The following CREB5 variants were observed in gnomAD, a reference collection of about 807,000 sequenced individuals.
CREB5 encodes cyclic AMP-responsive element-binding protein 5.
CREB5 carries 19 observed loss-of-function variants against 57.1 expected under a neutral mutation model. The observed-to-expected ratio is 0.33, with a 90% CI of 0.23 to 0.49. CREB5 has a LOEUF of 0.49. CREB5 is among the 20% of genes least tolerant of loss of function. The pLI, the probability that CREB5 is intolerant of heterozygous loss-of-function variation, is 0.99. For synonymous variants in CREB5, 238 were observed against 238.3 expected, an observed-to-expected ratio of 1.00 and a Z score of 0.01; for missense variants, 579 against 671.6, an observed-to-expected ratio of 0.86 and a Z score of 1.52.
chr7:28,387,340 T>C (rs1369207694), intron 1 of CREB5, among the ~76,000 whole-genome samples: 1 of 152,206 alleles, frequency 6.6e-6, no homozygotes, highest in Non-Finnish European at 1.5e-5. Context: ...GATGTTGAGC[T>C]TTTTTTCATG....
chr7:28,529,646 CT>C (rs1326477243), intron 4 of CREB5, among the ~76,000 whole-genome samples: 1 of 152,140 alleles, frequency 6.6e-6, no homozygotes, highest in Admixed American at 6.5e-5. Flanking sequence ...TCTTCCCAAC[CT>C]GATTTCCTTG....
chr7:28,624,360 T>C (rs1797919022), intron 5 of CREB5, among the ~76,000 whole-genome samples: 1 of 152,234 alleles, frequency 6.6e-6, no homozygotes, highest in Admixed American at 6.5e-5. Flanking sequence ...ATTTTCTGTT[T>C]ACTCTTGAAA....
intron 5 of CREB5, among the ~76,000 whole-genome samples, chr7:28,668,947 C>T (rs1297292574): frequency 6.6e-6 from 1 of 152,174 alleles, no homozygotes; most frequent in East Asian, 1.9e-4. Context: ...TCACTCTGCC[C>T]TGCTCTGAGG....
intron 7 of CREB5, among the ~76,000 whole-genome samples, chr7:28,752,416 C>T (rs1317408881): frequency 6.6e-6 from 1 of 152,222 alleles, no homozygotes; most frequent in Admixed American, 6.5e-5. Context: ...GCCCACCTGC[C>T]TCAGCCTCCC....
chr7:28,602,028 C>T (rs1796937656), intron 5 of CREB5, among the ~76,000 whole-genome samples: 1 of 149,084 alleles, frequency 6.7e-6, no homozygotes, highest in Non-Finnish European at 1.5e-5. Flanking sequence ...TTTCTGAATA[C>T]ATTATGGTGT....
chr7:28,332,991 G>A (rs1785745248), intron 1 of CREB5, among the ~76,000 whole-genome samples: 1 of 152,124 alleles, frequency 6.6e-6, no homozygotes, highest in African/African-American at 2.4e-5. Context: ...GTTTTATTGT[G>A]ACTGACAATT....
At chr7:28,775,908 C>T (rs1391126543) in intron 7 of CREB5, among the ~76,000 whole-genome samples, 5 of 152,120 alleles carry the variant, frequency 3.3e-5, no homozygotes, top group African/African-American at 1.2e-4. Flanking sequence ...GAATTAAATG[C>T]TTGCAAGAGA....
intron 5 of CREB5, among the ~76,000 whole-genome samples, chr7:28,711,253 C>T (rs1802386416): frequency 6.6e-6 from 1 of 152,158 alleles, no homozygotes; most frequent in Non-Finnish European, 1.5e-5. Flanking sequence ...AATTCTCTTC[C>T]TGCACACTCA....
intron 4 of CREB5, among the ~76,000 whole-genome samples, chr7:28,537,479 A>G (rs1794012332): frequency 6.6e-6 from 1 of 151,908 alleles, no homozygotes; most frequent in Non-Finnish European, 1.5e-5. Flanking sequence ...TGCCTCAGAA[A>G]TGGACATGGA....
intron 5 of CREB5, among the ~76,000 whole-genome samples, chr7:28,684,587 T>C (rs931888871): frequency 6.6e-6 from 1 of 152,206 alleles, no homozygotes; most frequent in East Asian, 1.9e-4. Flanking sequence ...TTTAATAAGC[T>C]GAGAGATTTC....
chr7:28,364,659 G>C (rs1786553058), intron 1 of CREB5, among the ~76,000 whole-genome samples: 1 of 152,084 alleles, frequency 6.6e-6, no homozygotes, highest in South Asian at 2.1e-4. Flanking sequence ...CCTATCCTCA[G>C]GCTCCTCTCT....
intron 1 of CREB5, among the ~76,000 whole-genome samples, chr7:28,299,871 C>G (rs570785748): frequency 6.6e-6 from 1 of 152,226 alleles, no homozygotes; most frequent in South Asian, 2.1e-4. Flanking sequence ...TGATGGACAT[C>G]AACATGGTCT....
At chr7:28,706,932 A>G (rs533672712) in intron 5 of CREB5, among the ~76,000 whole-genome samples, 5 of 152,336 alleles carry the variant, frequency 3.3e-5, no homozygotes, top group Admixed American at 2.0e-4. Context: ...ATAGTGGACC[A>G]TGAGGTAACG....
chr7:28,315,801 A>G (rs1785367688), intron 1 of CREB5, among the ~76,000 whole-genome samples: 1 of 151,950 alleles, frequency 6.6e-6, no homozygotes, highest in African/African-American at 2.4e-5. Context: ...ATATCTTCCA[A>G]TGTGTTCCCT....
At chr7:28,375,595 GA>G (rs1786807103) in intron 1 of CREB5, among the ~76,000 whole-genome samples, 1 of 147,870 alleles carries the variant, frequency 6.8e-6, no homozygotes, top group Non-Finnish European at 1.5e-5. Flanking sequence ...TAAATAAAAA[GA>G]AAAAAGGAAA....
intron 7 of CREB5, among the ~76,000 whole-genome samples, chr7:28,725,190 G>A (rs1466648028): frequency 6.6e-6 from 1 of 152,212 alleles, no homozygotes; most frequent in Non-Finnish European, 1.5e-5. Context: ...TCTGCTGACT[G>A]GCAGCATTAG....
intron 1 of CREB5, among the ~76,000 whole-genome samples, chr7:28,403,590 T>C (rs906671963): frequency 6.6e-6 from 1 of 152,182 alleles, no homozygotes; most frequent in African/African-American, 2.4e-5. Flanking sequence ...AAATTGGCCC[T>C]GATCACACAC....
intron 1 of CREB5, among the ~76,000 whole-genome samples, chr7:28,365,129 G>T (rs1786560561): frequency 6.6e-6 from 1 of 152,086 alleles, no homozygotes; most frequent in Admixed American, 6.5e-5. Context: ...ATCTCCTCTA[G>T]AATAACAGTC....
chr7:28,572,996 G>A (rs1167782151), intron 5 of CREB5, among the ~76,000 whole-genome samples: 1 of 152,140 alleles, frequency 6.6e-6, no homozygotes, highest in Non-Finnish European at 1.5e-5. Flanking sequence ...TCCCTGGTGT[G>A]TTTGCCATGT....
Sources: gnomAD v4.1 joint callset for allele counts (sites outside exome capture counted in the v4.1 genomes callset) on GRCh38, gnomAD v4.1.1 for gene constraint, MANE v1.5 for transcripts, NCBI Gene and HGNC (gene_info 2026-07-23, HGNC 2026-07-21) for gene names.